Variants in PDE4D observed in about 807,000 individuals in gnomAD.
PDE4D encodes the protein phosphodiesterase 4D, also known as 3',5'-cyclic-AMP phosphodiesterase 4D.
A neutral mutation model predicts 87.4 loss-of-function variants in PDE4D; 24 were observed. The observed-to-expected ratio is 0.27, with a 90% CI of 0.20 to 0.39. PDE4D has a LOEUF of 0.39. Among genes scored for constraint, PDE4D ranks in the 10% least tolerant of loss-of-function variants. The probability of loss-of-function intolerance (pLI) is 1.00; values close to 1 mark genes in which losing one functional copy is unlikely to be tolerated. For synonymous variants in PDE4D, 384 were observed against 383.2 expected, an observed-to-expected ratio of 1.00 and a Z score of -0.02; for missense variants, 714 against 1,041.0, an observed-to-expected ratio of 0.69 and a Z score of 4.32.
chr5:59,512,121 T>C (rs1019019859), intron 1 of PDE4D, among the ~76,000 whole-genome samples: 5 of 152,160 alleles, frequency 3.3e-5, no homozygotes, highest in African/African-American at 4.8e-5. Flanking sequence ...CAACTGTTAA[T>C]GACTCAGTGT....
intron 1 of PDE4D, among the ~76,000 whole-genome samples, chr5:59,726,264 T>G (rs1282875359): frequency 6.6e-6 from 1 of 152,136 alleles, no homozygotes; most frequent in Admixed American, 6.6e-5. Context: ...TTTGTCCAAC[T>G]TCTACATAAA....
In PDE4D at chr5:60,486,616, T is replaced by G. The variant is rs192430447; in HGVS notation, c.-90+1326A>C. On this transcript the variant is annotated intron_variant, in intron 1 of 16. Coordinates refer to the PDE4D transcript ENST00000502484. The stretch of plus-strand genomic sequence containing the variant: ...ACAAAATTATGCAAAACACAACTAA[T>G]ATTTCTCTCCTACTGGCTAAATCAT... Among the ~76,000 whole-genome samples the G allele has an allele frequency of 2.3e-3, 353 of 152,332 alleles. 1 individual carries two copies. Among genetic ancestry groups the G allele is most frequent in the Middle Eastern group, 6.8e-3 (2 of 294 alleles).
At chr5:59,696,697 C>T (rs1339563424) in intron 1 of PDE4D, among the ~76,000 whole-genome samples, 21 of 152,164 alleles carry the variant, frequency 1.4e-4, no homozygotes, top group Admixed American at 1.4e-3. Context: ...AATACTGAAG[C>T]TCTTGGTTTT....
intron 1 of PDE4D, chr5:60,460,329 A>C (rs1746825263): frequency 9.9e-7 from 1 of 1,008,968 alleles, no homozygotes; most frequent in South Asian, 1.3e-5. Flanking sequence ...CAAAATAAAA[A>C]TCTATTCTGT....
chr5:60,232,258 A>C (rs563642112), intron 1 of PDE4D, among the ~76,000 whole-genome samples: 35 of 152,084 alleles, frequency 2.3e-4, no homozygotes, highest in African/African-American at 8.4e-4. Context: ...ACAGCAGCAG[A>C]TATTAAGCAA....
At chr5:59,958,509 A>G (rs944122464) in intron 3 of PDE4D, among the ~76,000 whole-genome samples, 2 of 152,200 alleles carry the variant, frequency 1.3e-5, no homozygotes, top group Non-Finnish European at 2.9e-5. Context: ...AAGAAATTCA[A>G]AATGTACAAA....
intron 5 of PDE4D, among the ~76,000 whole-genome samples, chr5:59,082,042 A>G (rs1766864951): frequency 1.3e-5 from 2 of 152,106 alleles, no homozygotes; most frequent in Non-Finnish European, 2.9e-5. Flanking sequence ...TTCTGCCATG[A>G]TTATAAGTTT....
chr5:60,470,789 A>T (rs1271777539), intron 1 of PDE4D, among the ~76,000 whole-genome samples: 3 of 152,182 alleles, frequency 2.0e-5, no homozygotes, highest in Non-Finnish European at 4.4e-5. Flanking sequence ...CTCCAAAAAA[A>T]AAAGATTCCT....
intron 2 of PDE4D, among the ~76,000 whole-genome samples, chr5:60,183,711 T>TA (rs1784555746): frequency 6.6e-6 from 1 of 152,216 alleles, no homozygotes; most frequent in Non-Finnish European, 1.5e-5. Flanking sequence ...TAAAGAGAAC[T>TA]AATTCTTTAA....
intron 1 of PDE4D, among the ~76,000 whole-genome samples, chr5:59,303,635 T>C (rs1770703133): frequency 1.3e-5 from 2 of 152,192 alleles, no homozygotes; most frequent in African/African-American, 4.8e-5. Context: ...GCACCATTTG[T>C]TGAAAAGGTT....
chr5:59,265,607 G>A (rs539029208), intron 1 of PDE4D, among the ~76,000 whole-genome samples: 1 of 152,198 alleles, frequency 6.6e-6, no homozygotes, highest in South Asian at 2.1e-4. Flanking sequence ...AGCCAGCCAT[G>A]TGCTAAGCAC....
At chr5:59,593,012 ATGT>A (rs1258695407) in intron 1 of PDE4D, among the ~76,000 whole-genome samples, 3 of 151,836 alleles carry the variant, frequency 2.0e-5, no homozygotes, top group Admixed American at 1.3e-4. Context: ...AGCTCTTTAA[ATGT>A]TGTTTGCATA....
chr5:59,249,777 T>C (rs1175778795), intron 1 of PDE4D, among the ~76,000 whole-genome samples: 2 of 152,132 alleles, frequency 1.3e-5, no homozygotes, highest in Non-Finnish European at 2.9e-5. Context: ...GCAGTGATTA[T>C]TTGGGAGTGT....
intron 1 of PDE4D, among the ~76,000 whole-genome samples, chr5:59,620,051 A>G (rs1830166241): frequency 1.3e-5 from 2 of 152,302 alleles, no homozygotes; most frequent in South Asian, 4.1e-4. Context: ...TCAACTGAAA[A>G]GGCAGAAGCA....
In PDE4D at chr5:59,607,066, T is replaced by C. The variant is rs143584050; in HGVS notation, c.455+286102A>G. On this transcript the variant is annotated intron_variant, in intron 1 of 14. Coordinates refer to ENST00000340635, the MANE Select transcript of PDE4D (RefSeq NM_001104631.2). ...GATGCCAAGAGGCTATTTAGAGATA[T>C]TGGGAGGCACTTTACTGACGTTCTG... Among the ~76,000 whole-genome samples, 539 of 152,004 alleles carry C rather than the reference T, an allele frequency of 3.5e-3. 7 individuals carry two copies. The highest frequency in any genetic ancestry group is 0.012 in the African/African-American group (513 of 41,366).
chr5:59,782,105 C>T (rs1764698014), intron 1 of PDE4D, among the ~76,000 whole-genome samples: 1 of 152,160 alleles, frequency 6.6e-6, no homozygotes, highest in Non-Finnish European at 1.5e-5. Context: ...GATGCATTAA[C>T]AATTTGCTTA....
intron 1 of PDE4D, among the ~76,000 whole-genome samples, chr5:60,308,041 A>G (rs1754662787): frequency 6.6e-6 from 1 of 152,154 alleles, no homozygotes. Context: ...AACTCCATCA[A>G]AACAAAACAA....
intron 3 of PDE4D, among the ~76,000 whole-genome samples, chr5:59,189,253 G>GTTT (rs5868167): frequency 0.12 from 14,145 of 119,940 alleles, 1,191 homozygotes; most frequent in South Asian, 0.13. Flanking sequence ...TGTTTTTTTT[G>GTTT]TTTTTTTTTT....
intron 1 of PDE4D, among the ~76,000 whole-genome samples, chr5:59,358,470 G>A (rs1781735522): frequency 6.6e-6 from 1 of 152,308 alleles, no homozygotes; most frequent in East Asian, 1.9e-4. Flanking sequence ...CTGAAAAGGT[G>A]CTTACACTGA....
Sources: allele counts gnomAD v4.1 joint callset (sites outside exome capture counted in the v4.1 genomes callset), GRCh38; gene constraint gnomAD v4.1.1; transcripts MANE v1.5; gene names NCBI Gene and HGNC (gene_info 2026-07-23, HGNC 2026-07-21).